Variants in PRRC2C observed in about 807,000 individuals in gnomAD.
PRRC2C encodes proline rich coiled-coil 2C, also known as protein PRRC2C.
In PRRC2C, 72 loss-of-function variants were observed where a neutral mutation model predicts 317.2. The observed-to-expected ratio is 0.23, with a 90% CI of 0.19 to 0.28. PRRC2C has a LOEUF of 0.28. Ranked by LOEUF, PRRC2C falls within the 10% of genes least tolerant of loss-of-function variation. The probability of loss-of-function intolerance (pLI) is 1.00; values close to 1 mark genes in which losing one functional copy is unlikely to be tolerated. For synonymous variants in PRRC2C, 1,296 were observed against 1,205.9 expected (o/e 1.07, Z -1.55); for missense variants, 3,074 against 3,459.7 (o/e 0.89, Z 2.80).
rs1236663155 is a variant in PRRC2C at position 171,559,505 on chromosome 1, G to GTTTTTTTT, written c.6031+1365_6031+1366insTTTTTTTT. On this transcript the variant is annotated intron_variant, in intron 19 of 34. Coordinates refer to ENST00000647382, the MANE Select transcript of PRRC2C (RefSeq NM_001387844.1). ...ATCTGTTTACAAAATGGCATACCAA[G>GTTTTTTTT]TTTGTTTTTTTTTTTTTTTTTTTTT... Among the ~76,000 whole-genome samples the GTTTTTTTT allele has an allele frequency of 4.7e-4, 45 of 95,134 alleles. 13 individuals carry two copies. The highest frequency in any genetic ancestry group is 8.8e-4 in the African/African-American group (22 of 24,886). 62.4% of individuals were successfully genotyped at this position (95,134 alleles called of 152,430 possible). A position where few individuals can be genotyped will look rare whatever the true frequency, so the allele number is the denominator to read the frequency against.
At chr1:171,516,252 A>T (rs1456668404) in intron 5 of PRRC2C, among the ~76,000 whole-genome samples, 1 of 152,194 alleles carries the variant, frequency 6.6e-6, no homozygotes, top group Non-Finnish European at 1.5e-5. Flanking sequence ...GAGGAAACAA[A>T]TAATTTTGGA....
chr1:171,488,018 CA>C (rs1666444645), intron 1 of PRRC2C, among the ~76,000 whole-genome samples: 1 of 151,638 alleles, frequency 6.6e-6, no homozygotes, highest in Non-Finnish European at 1.5e-5. Flanking sequence ...TGGCTCATTC[CA>C]GCCCCCTCTC....
intron 18 of PRRC2C, among the ~76,000 whole-genome samples, chr1:171,554,051 A>G (rs1424250338): frequency 6.6e-6 from 1 of 152,136 alleles, no homozygotes; most frequent in East Asian, 1.9e-4. Context: ...TGATCTGTCT[A>G]ATATTGACAA....
chr1:171,581,956 C>T (rs1462834660), intron 28 of PRRC2C, among the ~76,000 whole-genome samples: 1 of 152,076 alleles, frequency 6.6e-6, no homozygotes, highest in Non-Finnish European at 1.5e-5. Context: ...GGGTTAGATT[C>T]TGGCATATTG....
At chr1:171,497,175 A>G (rs543693559) in intron 1 of PRRC2C, among the ~76,000 whole-genome samples, 7 of 152,236 alleles carry the variant, frequency 4.6e-5, no homozygotes, top group Non-Finnish European at 8.8e-5. Flanking sequence ...GTAATGCAGT[A>G]TGTTTGATAA....
chr1:171,501,669 A>T (rs1669141490), intron 1 of PRRC2C, among the ~76,000 whole-genome samples: 1 of 152,232 alleles, frequency 6.6e-6, no homozygotes, highest in East Asian at 1.9e-4. Flanking sequence ...CTAACATTGT[A>T]AAAGTAATAA....
At chr1:171,582,247 G>GAA (rs1419899897) in intron 28 of PRRC2C, among the ~76,000 whole-genome samples, 3 of 152,202 alleles carry the variant, frequency 2.0e-5, no homozygotes, top group Non-Finnish European at 4.4e-5. Context: ...CACAAAAAGA[G>GAA]AATTATTCTC....
In PRRC2C at chr1:171,566,594, T is replaced by G; in HGVS notation, c.6309T>G (p.Leu2103=). ...PRAGPIKAQK[L]PDLSPVENKE... ...TTATCATAAACATTTGACTTTAGCT[T>G]CCAGATTTGAGTCCAGTAGAAAACA... is the stretch of plus-strand genomic sequence containing the variant. The change falls in exon 22 of 35, where the codon CTT becomes CTG. Residue 2103 remains leucine (L), a splice_region_variant and synonymous_variant. Coordinates refer to ENST00000647382, the MANE Select transcript of PRRC2C (RefSeq NM_001387844.1). 1 of 1,570,710 alleles carries G rather than the reference T, an allele frequency of 6.4e-7. No individual in the cohort carries two copies. Among genetic ancestry groups the G allele is most frequent in the Non-Finnish European group, 8.6e-7 (1 of 1,160,638 alleles).
intron 25 of PRRC2C, 45 bp from the exon 26 acceptor site, chr1:171,577,389 T>C (rs1228621283): frequency 1.4e-6 from 2 of 1,478,874 alleles, no homozygotes; most frequent in South Asian, 1.2e-5. Flanking sequence ...AGCAACACTT[T>C]TAAATATGCT....
Position 171,537,385 on chromosome 1 carries a change from C to A in PRRC2C, c.2416C>A (p.Arg806Ser), listed in dbSNP as rs774541467. Residue 806 changes from arginine to serine, a missense_variant, in exon 15 of 35, where the codon CGT becomes AGT. Around this residue, in one of 11 missense-constraint regions of PRRC2C, gnomAD observed 1,320 missense variants for 1,395.7 expected, o/e 0.95. Coordinates refer to ENST00000647382, the MANE Select transcript of PRRC2C (RefSeq NM_001387844.1). ...TCACGCAATTTCCCTTTCTGAGCCTCGTATGCTGTGGGGGTCAGATCCCTA... is the reference window on the plus strand; with the variant it reads ...TCACGCAATTTCCCTTTCTGAGCCTAGTATGCTGTGGGGGTCAGATCCCTA... ...RDHAISLSEPRMLWGSDPYPH... is the reference protein window; with the variant it reads ...RDHAISLSEPSMLWGSDPYPH... The A allele has an allele frequency of 1.3e-6, 2 of 1,588,542 alleles. No homozygotes were observed. The highest frequency in any genetic ancestry group is 1.7e-6 in the Non-Finnish European group (2 of 1,166,678).
rs1399727422 is a variant in PRRC2C at position 171,592,573 on chromosome 1, A to G, written c.*726A>G. ...TTGTGGTCTGAAGCTTTGAAGCGCT[A>G]CTTAGCATCTCCTTTCTTCCATGGA... On this transcript the variant is annotated 3_prime_UTR_variant, in exon 35 of 35. Transcript: ENST00000647382. 1.3e-5 allele frequency: 2 copies of G among 152,234 alleles called. No homozygotes were observed. The highest frequency in any genetic ancestry group is 2.9e-5 in the Non-Finnish European group (2 of 68,056). 9.4% of individuals were successfully genotyped at this position (152,234 alleles called of 1,614,324 possible).
rs149949292 is a variant in PRRC2C at position 171,538,648 on chromosome 1, T to G, written c.2504+1175T>G. Among the ~76,000 whole-genome samples the G allele has an allele frequency of 4.7e-4, 72 of 152,356 alleles. No individual in the cohort carries two copies. In the East Asian group the frequency reaches 0.013, roughly 27 times the overall value. On this transcript the variant is annotated intron_variant, in intron 15 of 34. Coordinates refer to ENST00000647382, the MANE Select transcript of PRRC2C (RefSeq NM_001387844.1). ...ATTACTGGTCTTGATGGATTAGAAA[T>G]TCACATCAGCATGGTCTTAACTTTG...
chr1:171,544,954 G>C lies in PRRC2C; in HGVS notation c.4764-525G>C, dbSNP rs1364983198. ...TAGGAAATAAGAACTATTAAGAACT[G>C]TAGGGGATACATTTGGTTTGTGAAG... On this transcript the variant is annotated intron_variant, in intron 16 of 34. Coordinates refer to ENST00000647382, the MANE Select transcript of PRRC2C (RefSeq NM_001387844.1). 2.6e-5 allele frequency among the ~76,000 whole-genome samples: 4 copies of C among 152,140 alleles called. No homozygotes were observed. The South Asian group carries it at 8.3e-4, about 31-fold the overall frequency.
intron 30 of PRRC2C, among the ~76,000 whole-genome samples, chr1:171,586,724 G>A (rs1426947592): frequency 5.3e-5 from 8 of 151,478 alleles, no homozygotes; most frequent in Non-Finnish European, 8.8e-5. Flanking sequence ...GAGACTACAG[G>A]CACATGCCAC....
At chr1:171,525,086 T>C (rs1232845476) in intron 10 of PRRC2C, 121 bp downstream of exon 10, 5 of 840,790 alleles carry the variant, frequency 5.9e-6, no homozygotes, top group Non-Finnish European at 8.2e-6. Flanking sequence ...AAGGAAACTG[T>C]GTATTTTTTT....
At position 171,532,799 on chromosome 1, in the gene PRRC2C, C is replaced by G. The variant is rs373214431; in HGVS notation, c.1711C>G (p.Arg571Gly). 13 of 1,566,426 alleles carry G rather than the reference C, an allele frequency of 8.3e-6. No individual in the cohort carries two copies. The Admixed American group carries it at 2.0e-4, about 24-fold the overall frequency. The change falls in exon 12 of 35, where the codon CGG (arginine) becomes GGG (glycine). Residue 571 changes from arginine to glycine, a missense_variant. Arg to Gly is a moderately radical substitution (Grantham distance 125). Coordinates refer to ENST00000647382, the MANE Select transcript of PRRC2C (RefSeq NM_001387844.1). The stretch of plus-strand genomic sequence containing the variant: ...GCAAGAAAAAGAAAAAGAACTAGAA[C>G]GGCAGAAAGAAAAGGAAAAAGAACT... ...RKQEKEKELE[R>G]QKEKEKELQK...
At chr1:171,571,735 T>C (rs1446950091) in intron 24 of PRRC2C, among the ~76,000 whole-genome samples, 2 of 152,194 alleles carry the variant, frequency 1.3e-5, no homozygotes, top group Non-Finnish European at 2.9e-5. Flanking sequence ...ATATATGGGT[T>C]TGTATACAAA....
chr1:171,494,915 C>G lies in PRRC2C; in HGVS notation c.-58+9180C>G, dbSNP rs569061127. Among the ~76,000 whole-genome samples the G allele has an allele frequency of 3.3e-5, 5 of 152,268 alleles. No individual in the cohort carries two copies. The East Asian group carries it at 9.6e-4, about 29-fold the overall frequency. ...CCAAGCTTATTTTCTAGATGCATAC[C>G]TCATGGCATGTTAGTTACATTTTGT... is the stretch of plus-strand genomic sequence containing the variant. On this transcript the variant is annotated intron_variant, in intron 1 of 34. Coordinates refer to ENST00000647382, the MANE Select transcript of PRRC2C (RefSeq NM_001387844.1).
chr1:171,520,958 C>A (rs1385604376), intron 6 of PRRC2C, among the ~76,000 whole-genome samples: 2 of 151,980 alleles, frequency 1.3e-5, no homozygotes, highest in African/African-American at 4.8e-5. Flanking sequence ...GCACGCCCAC[C>A]ACACCTAGCT....
Sources: gnomAD v4.1 joint callset for allele counts (sites outside exome capture counted in the v4.1 genomes callset) on GRCh38, gnomAD v4.1.1 for gene constraint, gnomAD v4.1.1 regional missense constraint, MANE v1.5 for transcripts, NCBI Gene and HGNC (gene_info 2026-07-23, HGNC 2026-07-21) for gene names.